CALN1: variants seen among roughly 807,000 people sequenced by gnomAD.
CALN1 encodes the protein calneuron 1, also known as calcium-binding protein 8.
Under a neutral mutation model 30.6 loss-of-function variants are expected in CALN1, and 17 were observed. The observed-to-expected ratio is 0.56, with a 90% CI of 0.38 to 0.83. The LOEUF is 0.83. Among genes scored for constraint, CALN1 ranks in the 40% least tolerant of loss-of-function variants. The pLI, the probability that CALN1 is intolerant of heterozygous loss-of-function variation, is 0.00. For synonymous variants in CALN1, 156 were observed against 131.4 expected, an observed-to-expected ratio of 1.19 and a Z score of -1.28; for missense variants, 291 against 354.9, an observed-to-expected ratio of 0.82 and a Z score of 1.45.
Position 72,317,032 on chromosome 7 carries a change from G to A in CALN1, c.120-38222C>T, listed in dbSNP as rs540527487. ...AGGAAGAAGGAAGGAAAGGAGAGGAGGAGGGAAGAGAGAGAGAGAAAGAGA... is the reference window on the plus strand; with the variant it reads ...AGGAAGAAGGAAGGAAAGGAGAGGAAGAGGGAAGAGAGAGAGAGAAAGAGA... On this transcript the variant is annotated intron_variant, in intron 2 of 6. Coordinates refer to ENST00000395275, the MANE Select transcript of CALN1 (RefSeq NM_031468.4). Among the ~76,000 whole-genome samples the A allele has an allele frequency of 2.0e-5, 3 of 146,968 alleles. No individual in the cohort carries two copies. In the Admixed American group the frequency reaches 2.1e-4, roughly 10 times the overall value.
chr7:71,899,392 C>T (rs1476223580), intron 5 of CALN1, among the ~76,000 whole-genome samples: 1 of 152,138 alleles, frequency 6.6e-6, no homozygotes, highest in Non-Finnish European at 1.5e-5. Flanking sequence ...ATATGCCCAC[C>T]TTGGCCTCCC....
chr7:72,326,638 A>C (rs1050682588), intron 2 of CALN1, among the ~76,000 whole-genome samples: 15 of 152,246 alleles, frequency 9.9e-5, no homozygotes, highest in Non-Finnish European at 2.1e-4. Context: ...TTTACACAGT[A>C]ATTAGGCCTG....
At position 71,954,949 on chromosome 7, in the gene CALN1, C is replaced by T. The variant is rs77370627; in HGVS notation, c.501+68708G>A. ...TTTATTTTACCCACATCTTACAAGGCGTGGAATGTTGTTTTTTAGGATGAG... is the reference window on the plus strand; with the variant it reads ...TTTATTTTACCCACATCTTACAAGGTGTGGAATGTTGTTTTTTAGGATGAG... On this transcript the variant is annotated intron_variant, in intron 5 of 6. Coordinates refer to ENST00000395275, the MANE Select transcript of CALN1 (RefSeq NM_031468.4). Among the ~76,000 whole-genome samples, 1,173 of 152,184 alleles carry T rather than the reference C, an allele frequency of 7.7e-3. 7 individuals are homozygous for T. The highest frequency in any genetic ancestry group is 0.013 in the Non-Finnish European group (892 of 67,994).
intron 5 of CALN1, among the ~76,000 whole-genome samples, chr7:71,954,367 G>A (rs34180116): frequency 0.16 from 24,275 of 152,110 alleles, 2,270 homozygotes; most frequent in Non-Finnish European, 0.23. Flanking sequence ...GGCTGAGGCA[G>A]GAAAATCATT....
intron 3 of CALN1, among the ~76,000 whole-genome samples, chr7:72,144,311 G>A (rs958943082): frequency 6.6e-6 from 1 of 152,096 alleles, no homozygotes; most frequent in Admixed American, 6.6e-5. Flanking sequence ...ACAAAAAAAG[G>A]CAGGGGTTGC....
rs142083978 is a variant in CALN1 at position 71,785,406 on chromosome 7, A to G, written c.*2369T>C. ...ATGAAATCTAACCCTCACCTCTTGA[A>G]GGGTCTCTGTTCTCCAGCAGGAGGC... is the stretch of plus-strand genomic sequence containing the variant. On this transcript the variant is annotated 3_prime_UTR_variant, in exon 7 of 7. Transcript: ENST00000395275. The G allele has an allele frequency of 0.011, 1,658 of 152,318 alleles. 33 individuals carry two copies. Among genetic ancestry groups the G allele is most frequent in the African/African-American group, 0.034 (1,415 of 41,538 alleles). 9.4% of individuals were successfully genotyped at this position (152,318 alleles called of 1,614,324 possible).
intron 3 of CALN1, among the ~76,000 whole-genome samples, chr7:72,249,259 A>G (rs1262199050): frequency 6.6e-6 from 1 of 152,204 alleles, no homozygotes; most frequent in East Asian, 1.9e-4. Context: ...AGTCGTGAGC[A>G]ACAGAGGTGT....
intron 5 of CALN1, among the ~76,000 whole-genome samples, chr7:71,876,152 T>C (rs990792104): frequency 6.6e-6 from 1 of 152,204 alleles, no homozygotes; most frequent in Admixed American, 6.5e-5. Flanking sequence ...AAAGTCATGT[T>C]AGAATTTGAT....
At chr7:72,371,663 T>C (rs771707344) in intron 2 of CALN1, among the ~76,000 whole-genome samples, 8 of 152,210 alleles carry the variant, frequency 5.3e-5, no homozygotes, top group Non-Finnish European at 1.0e-4. Context: ...AATGGACTAA[T>C]GTAGCATGTA....
intron 1 of CALN1, among the ~76,000 whole-genome samples, chr7:72,437,447 A>G (rs1372982087): frequency 6.6e-6 from 1 of 152,134 alleles, no homozygotes; most frequent in Non-Finnish European, 1.5e-5. Context: ...TTTAGCTTCA[A>G]AACAAAAGAG....
In CALN1 at chr7:71,787,530, G is replaced by A. The variant is rs566877402; in HGVS notation, c.*245C>T. On this transcript the variant is annotated 3_prime_UTR_variant, in exon 7 of 7. Transcript: ENST00000395275. ...GAAGCAATAATTTGGAAATCCTGGC[G>A]ATTTATTGCATTAGAAAACAAAACC... 1.4e-4 allele frequency: 58 copies of A among 426,118 alleles called. No individual in the cohort carries two copies. The highest frequency in any genetic ancestry group is 7.5e-4 in the Admixed American group (21 of 28,004). 26.4% of individuals were successfully genotyped at this position (426,118 alleles called of 1,614,324 possible).
chr7:71,933,105 G>T (rs989825262), intron 5 of CALN1, among the ~76,000 whole-genome samples: 4 of 103,390 alleles, frequency 3.9e-5, no homozygotes, highest in Admixed American at 2.0e-4. Flanking sequence ...CTAGAAGCTT[G>T]CATGGGTGAA....
chr7:72,222,764 T>C (rs1793399038), intron 3 of CALN1, among the ~76,000 whole-genome samples: 1 of 152,166 alleles, frequency 6.6e-6, no homozygotes, highest in Non-Finnish European at 1.5e-5. Context: ...CTCATACCTG[T>C]AATCCCAGTG....
intron 2 of CALN1, among the ~76,000 whole-genome samples, chr7:72,397,796 A>T (rs1173762864): frequency 6.9e-6 from 1 of 145,144 alleles, no homozygotes; most frequent in Non-Finnish European, 1.5e-5. Context: ...GCCTACCCTT[A>T]GGACTTACTT....
chr7:72,153,637 C>T (rs1787438699), intron 3 of CALN1, among the ~76,000 whole-genome samples: 1 of 151,870 alleles, frequency 6.6e-6, no homozygotes. Context: ...AGCCATGATT[C>T]GTCACTGCAC....
chr7:72,467,319 C>T, the CALN1 span, among the ~76,000 whole-genome samples: 2 of 152,192 alleles, frequency 1.3e-5, no homozygotes, highest in Non-Finnish European at 2.9e-5. Context: ...CAGGGGGGTG[C>T]CATGCCAGAG....
At chr7:72,383,091 TTTG>T (rs1340739161) in intron 2 of CALN1, among the ~76,000 whole-genome samples, 3 of 152,148 alleles carry the variant, frequency 2.0e-5, no homozygotes, top group African/African-American at 7.2e-5. Flanking sequence ...CAGCCAGGAT[TTTG>T]TTCTTTTTTA....
intron 4 of CALN1, among the ~76,000 whole-genome samples, chr7:72,079,986 G>C (rs926974646): frequency 6.6e-6 from 1 of 151,946 alleles, no homozygotes; most frequent in Non-Finnish European, 1.5e-5. Flanking sequence ...GGCCAGGCTG[G>C]TCTCGAACTC....
chr7:72,469,681 G>C, the CALN1 span, among the ~76,000 whole-genome samples: 2 of 152,188 alleles, frequency 1.3e-5, no homozygotes, highest in Non-Finnish European at 2.9e-5. Flanking sequence ...TTGCAGGCAT[G>C]AGCCACCGCA....
Sources: gnomAD v4.1 joint callset for allele counts (sites outside exome capture counted in the v4.1 genomes callset) on GRCh38, gnomAD v4.1.1 for gene constraint, MANE v1.5 for transcripts, NCBI Gene and HGNC (gene_info 2026-07-23, HGNC 2026-07-21) for gene names.